The following ITPR3 variants were observed in gnomAD, a reference collection of about 807,000 sequenced individuals.
ITPR3 encodes inositol 1,4,5-trisphosphate-gated calcium channel ITPR3.
A neutral mutation model predicts 293.2 loss-of-function variants in ITPR3; 173 were observed. That is an observed-to-expected ratio of 0.59 (90% CI 0.52 to 0.67). The LOEUF (loss-of-function observed/expected upper bound fraction) is 0.67. Among genes scored for constraint, ITPR3 ranks in the 30% least tolerant of loss-of-function variants. The probability of loss-of-function intolerance (pLI) is 0.00; values close to 1 mark genes in which losing one functional copy is unlikely to be tolerated. For synonymous variants in ITPR3, 1,295 were observed against 1,444.4 expected (o/e 0.90, Z 2.35); for missense variants, 2,796 against 3,592.1 (o/e 0.78, Z 5.66).
chr6:33,652,447 A>C (rs903865331), intron 2 of ITPR3, among the ~76,000 whole-genome samples: 2 of 152,026 alleles, frequency 1.3e-5, no homozygotes, highest in African/African-American at 4.8e-5. Context: ...AATATAATCT[A>C]TCCATATCCA....
At chr6:33,637,988 G>A (rs983547364) in intron 1 of ITPR3, among the ~76,000 whole-genome samples, 14 of 150,978 alleles carry the variant, frequency 9.3e-5, no homozygotes, top group Admixed American at 7.9e-4. Flanking sequence ...ACCTAGGCAC[G>A]TTTTTTGTTT....
At position 33,655,270 on chromosome 6, in the gene ITPR3, A is replaced by G. The variant is rs911511752; in HGVS notation, c.161-496A>G. Among the ~76,000 whole-genome samples, 2 of 152,128 alleles carry G rather than the reference A, an allele frequency of 1.3e-5. No individual in the cohort carries two copies. The highest frequency in any genetic ancestry group is 4.8e-5 in the African/African-American group (2 of 41,418). ...CTCAGGATTGTGAGCTGTTCCTCGG[A>G]CTGTCCCCTCCAGAGGCTGGGCTGT... On this transcript the variant is annotated intron_variant, in intron 2 of 57. Coordinates refer to ENST00000605930, the MANE Select transcript of ITPR3 (RefSeq NM_002224.4). This position sits in a 1 kb window ranked among gnomAD's most constrained non-coding sequence, Gnocchi z 4.9.
chr6:33,678,278 G>A (rs1217693348), intron 28 of ITPR3, 143 bp from the exon 29 acceptor site: 3 of 1,120,312 alleles, frequency 2.7e-6, no homozygotes, highest in Non-Finnish European at 3.8e-6. Flanking sequence ...ATCCTGACCT[G>A]GGGGCCCCAC....
chr6:33,634,079 CACGCG>C (rs1334785819), intron 1 of ITPR3, among the ~76,000 whole-genome samples: 1 of 152,168 alleles, frequency 6.6e-6, no homozygotes, highest in Non-Finnish European at 1.5e-5. Context: ...TTAATGACTT[CACGCG>C]ACGCTCCCTC....
Position 33,675,593 on chromosome 6 carries a change from G to A in ITPR3, c.3117-98G>A. 1 of 1,331,032 alleles carries A rather than the reference G, an allele frequency of 7.5e-7. No homozygotes were observed. Among genetic ancestry groups the A allele is most frequent in the Non-Finnish European group, 1.0e-6 (1 of 982,796 alleles). The allele number at this position is 1,331,032 out of a possible 1,614,324, so 82.5% of individuals were successfully genotyped here. ...GACTGGCCCTGCATCTGCTAATTGG[G>A]TGGCGGAGAGTGTGCTTGTGCCAGG... On this transcript the variant is annotated intron_variant, in intron 24 of 57. Transcript: ENST00000605930. This position sits in a 1 kb window ranked among gnomAD's most constrained non-coding sequence, Gnocchi z 5.0.
At position 33,667,707 on chromosome 6, in the gene ITPR3, G is replaced by T. The variant is rs1223650847; in HGVS notation, c.1714-85G>T. On this transcript the variant is annotated intron_variant, in intron 15 of 57. Coordinates refer to ENST00000605930, the MANE Select transcript of ITPR3 (RefSeq NM_002224.4). This position sits in a 1 kb window ranked among gnomAD's most constrained non-coding sequence, Gnocchi z 4.4. ...CTAGGGTATTGGGTCCTTACCTCGG[G>T]GTTTGGGGGCAGCGTTCCAGAGCAG... 1 of 1,490,962 alleles carries T rather than the reference G, an allele frequency of 6.7e-7. No individual in the cohort carries two copies. The highest frequency in any genetic ancestry group is 9.2e-7 in the Non-Finnish European group (1 of 1,091,894). The allele number at this position is 1,490,962 out of a possible 1,614,324, so 92.4% of individuals were successfully genotyped here. A position where few individuals can be genotyped will look rare whatever the true frequency, so the allele number is the denominator to read the frequency against.
Position 33,658,089 on chromosome 6 carries a change from G to C in ITPR3, c.369+71G>C. Reference sequence around the variant, plus strand: ...AGAGGCTGGGCTGGTGCTGGGTGAGGGCTGCCAGCAGGCATTGCCCTCTGT... The same window carrying C: ...AGAGGCTGGGCTGGTGCTGGGTGAGCGCTGCCAGCAGGCATTGCCCTCTGT... On this transcript the variant is annotated intron_variant, in intron 4 of 57. Coordinates refer to ENST00000605930, the MANE Select transcript of ITPR3 (RefSeq NM_002224.4). This position sits in a 1 kb window ranked among gnomAD's most constrained non-coding sequence, Gnocchi z 6.1. The C allele has an allele frequency of 1.5e-6, 2 of 1,376,258 alleles. No homozygotes were observed. The highest frequency in any genetic ancestry group is 2.0e-6 in the Non-Finnish European group (2 of 976,246). The allele number at this position is 1,376,258 out of a possible 1,614,324, so 85.3% of individuals were successfully genotyped here.
intron 2 of ITPR3, among the ~76,000 whole-genome samples, chr6:33,645,317 C>A (rs185930404): frequency 1.3e-5 from 2 of 152,156 alleles, no homozygotes; most frequent in African/African-American, 2.4e-5. Flanking sequence ...CTGGGTGACA[C>A]AGGGAGACGC....
intron 1 of ITPR3, among the ~76,000 whole-genome samples, chr6:33,637,364 T>C (rs542736167): frequency 6.6e-6 from 1 of 152,340 alleles, no homozygotes; most frequent in East Asian, 1.9e-4. Flanking sequence ...AAGAGATTAA[T>C]ATGGAGCAGG....
At chr6:33,665,801 C>A in intron 13 of ITPR3, 34 bp from the exon 14 acceptor site, 1 of 1,610,602 alleles carries the variant, frequency 6.2e-7, no homozygotes, top group Non-Finnish European at 8.5e-7. Context: ...GGGTGGGTAT[C>A]TCACACTCGT....
Position 33,671,180 on chromosome 6 carries a change from C to T in ITPR3, c.2602C>T (p.His868Tyr). 1.9e-6 allele frequency: 3 copies of T among 1,613,810 alleles called. No homozygotes were observed. In the Middle Eastern group the frequency reaches 5.0e-4, roughly 266 times the overall value. Reference protein sequence around the residue: ...KLTFEVVSLAHNLIYFGFYSF... With the variant: ...KLTFEVVSLAYNLIYFGFYSF... The stretch of plus-strand genomic sequence containing the variant: ...CCCTTCGCAGGTGGTCAGCCTGGCG[C>T]ACAATCTCATCTACTTCGGCTTCTA... The change falls in exon 21 of 58, where the codon CAC becomes TAC. Residue 868 changes from histidine to tyrosine, a missense_variant. This residue lies in a region of ITPR3 where 955 missense variants were observed against 1,180.8 expected (regional missense o/e 0.81). Coordinates refer to ENST00000605930, the MANE Select transcript of ITPR3 (RefSeq NM_002224.4).
chr6:33,675,797 C>A lies in ITPR3; in HGVS notation c.3223C>A (p.Leu1075Met). The A allele has an allele frequency of 6.2e-7, 1 of 1,605,546 alleles. No individual in the cohort carries two copies. Among genetic ancestry groups the A allele is most frequent in the African/African-American group, 1.3e-5 (1 of 74,868 alleles). ...CTATGCGCCGCTGGTCTCGGGTGCC[C>A]TGCAGCTGCTCTTCAAGCACTTCAG... ...HDYAPLVSGA[L>M]QLLFKHFSQR... Residue 1075 changes from leucine to methionine, a missense_variant, in exon 25 of 58, where the codon CTG (leucine) becomes ATG (methionine). This residue lies in a region of ITPR3 where 955 missense variants were observed against 1,180.8 expected (regional missense o/e 0.81). Transcript: ENST00000605930. This position sits in a 1 kb window ranked among gnomAD's most constrained non-coding sequence, Gnocchi z 5.0.
chr6:33,696,527 T>C lies in ITPR3; in HGVS notation c.*747T>C, dbSNP rs1269042785. 3 of 152,652 alleles carry C rather than the reference T, an allele frequency of 2.0e-5. No individual in the cohort carries two copies. The highest frequency in any genetic ancestry group is 3.2e-3 in the Middle Eastern group (1 of 316). The allele number at this position is 152,652 out of a possible 1,614,324, so 9.5% of individuals were successfully genotyped here. ...ACAAATCCTTTGGCCTGAGAACTAA[T>C]ATGTTAATTGCCTTAAATAAATTAA... On this transcript the variant is annotated 3_prime_UTR_variant, in exon 58 of 58. Coordinates refer to ENST00000605930, the MANE Select transcript of ITPR3 (RefSeq NM_002224.4).
At chr6:33,694,721 C>G (rs1765491199) in intron 56 of ITPR3, 1 of 549,800 alleles carries the variant, frequency 1.8e-6, no homozygotes, top group African/African-American at 2.0e-5. Flanking sequence ...GTCTCGGTGG[C>G]AGAGGGTTGA....
At position 33,655,797 on chromosome 6, in the gene ITPR3, C is replaced by T; in HGVS notation, c.192C>T (p.Arg64=). The T allele has an allele frequency of 6.2e-7, 1 of 1,614,120 alleles. No individual in the cohort carries two copies. Among genetic ancestry groups the T allele is most frequent in the Non-Finnish European group, 8.5e-7 (1 of 1,180,018 alleles). The change falls in exon 3 of 58, where the codon CGC becomes CGT. Residue 64 remains arginine, a synonymous_variant. Coordinates refer to ENST00000605930, the MANE Select transcript of ITPR3 (RefSeq NM_002224.4). The surrounding 1 kb of genome is among the most constrained non-coding windows in gnomAD (Gnocchi z 4.9). The part of the protein sequence containing the change: ...DCLFKVCPMN[R]YSAQKQYWKA... ...TCTTCAAGGTGTGCCCCATGAACCG[C>T]TACTCGGCCCAGAAGCAGTACTGGA...
At chr6:33,663,604 C>T (rs1764533894) in intron 10 of ITPR3, 54 bp downstream of exon 10, 8 of 1,597,908 alleles carry the variant, frequency 5.0e-6, no homozygotes, top group African/African-American at 1.3e-5. Context: ...TGGGGGTAGG[C>T]GGGGGCAGGG....
Position 33,621,594 on chromosome 6 carries a change from G to T in ITPR3, c.-9G>T, listed in dbSNP as rs1471694048. The T allele has an allele frequency of 1.3e-6, 2 of 1,581,448 alleles. No homozygotes were observed. The highest frequency in any genetic ancestry group is 1.7e-6 in the Non-Finnish European group (2 of 1,162,732). On this transcript the variant is annotated 5_prime_UTR_variant, in exon 1 of 58. Coordinates refer to ENST00000605930, the MANE Select transcript of ITPR3 (RefSeq NM_002224.4). This position sits in a 1 kb window ranked among gnomAD's most constrained non-coding sequence, Gnocchi z 7.7. ...CCCCCCACGCCCTGGGCCCCGGAGG[G>T]CCGCAGCCATGAGTGAAATGTCCAG...
At position 33,667,128 on chromosome 6, in the gene ITPR3, G is replaced by C. The variant is rs1344191213; in HGVS notation, c.1552-1G>C. 6.2e-7 allele frequency: 1 copy of C among 1,613,774 alleles called. No homozygotes were observed. Among genetic ancestry groups the C allele is most frequent in the Non-Finnish European group, 8.5e-7 (1 of 1,179,800 alleles). On this transcript the variant is annotated splice_acceptor_variant, in intron 14 of 57. Coordinates refer to ENST00000605930, the MANE Select transcript of ITPR3 (RefSeq NM_002224.4). LOFTEE classifies it high-confidence loss of function. This position sits in a 1 kb window ranked among gnomAD's most constrained non-coding sequence, Gnocchi z 4.4. ...AGTCCTCACCCTCTGTATTCCCCCAGGTCTTTGGCATTCTGAAGGCCCCGT... is the reference window on the plus strand; with the variant it reads ...AGTCCTCACCCTCTGTATTCCCCCACGTCTTTGGCATTCTGAAGGCCCCGT...
rs201915254 is a variant in ITPR3 at position 33,693,542 on chromosome 6, C to T, written c.7625-3C>T. On this transcript the variant is annotated splice_region_variant and splice_polypyrimidine_tract_variant and intron_variant, in intron 55 of 57. Coordinates refer to ENST00000605930, the MANE Select transcript of ITPR3 (RefSeq NM_002224.4). ...GTTTCATTCCCGCCCTCTGCACCCT[C>T]AGGTCTGGAGAGGGACAAGTTTGAT... is the stretch of plus-strand genomic sequence containing the variant. 6 of 1,613,734 alleles carry T rather than the reference C, an allele frequency of 3.7e-6. No homozygotes were observed. The highest frequency in any genetic ancestry group is 4.2e-6 in the Non-Finnish European group (5 of 1,179,842).
Sources: gnomAD v4.1 joint callset for allele counts (sites outside exome capture counted in the v4.1 genomes callset) on GRCh38, gnomAD v4.1.1 for gene constraint, gnomAD v4.1.1 regional missense constraint, Gnocchi (gnomAD v3.1) non-coding constraint, MANE v1.5 for transcripts, NCBI Gene and HGNC (gene_info 2026-07-23, HGNC 2026-07-21) for gene names.